RGL1: variants seen among roughly 807,000 people sequenced by gnomAD.
The protein encoded by RGL1 is ral guanine nucleotide dissociation stimulator like 1.
RGL1 carries 24 observed loss-of-function variants against 95.2 expected under a neutral mutation model. The observed-to-expected ratio is 0.25, with a 90% CI of 0.18 to 0.35. The LOEUF is 0.35. Among genes scored for constraint, RGL1 ranks in the 10% least tolerant of loss-of-function variants. The pLI, the probability that RGL1 is intolerant of heterozygous loss-of-function variation, is 1.00. For synonymous variants in RGL1, 329 were observed against 344.9 expected (o/e 0.95, Z 0.51); for missense variants, 715 against 936.3 (o/e 0.76, Z 3.08).
At chr1:183,715,877 A>G (rs1655595375) in intron 1 of RGL1, among the ~76,000 whole-genome samples, 1 of 152,148 alleles carries the variant, frequency 6.6e-6, no homozygotes, top group African/African-American at 2.4e-5. Context: ...GAGACTCAGG[A>G]GAGCTGATGT....
chr1:183,915,305 A>T (rs564852910), intron 15 of RGL1, among the ~76,000 whole-genome samples: 7 of 152,228 alleles, frequency 4.6e-5, no homozygotes, highest in African/African-American at 1.7e-4. Flanking sequence ...TTAACATGGT[A>T]TAATTTAGCT....
upstream of RGL1, among the ~76,000 whole-genome samples, chr1:183,803,272 T>A (rs759149883): frequency 2.6e-5 from 4 of 152,220 alleles, no homozygotes; most frequent in Non-Finnish European, 5.9e-5. Context: ...GGAAGTACAA[T>A]AAGGAGGCAG....
chr1:183,875,118 T>C (rs915740269), intron 4 of RGL1, among the ~76,000 whole-genome samples: 2 of 152,204 alleles, frequency 1.3e-5, no homozygotes, highest in African/African-American at 4.8e-5. Context: ...ATTTTGCTGC[T>C]TTTGAAAAAT....
chr1:183,916,774 CTAAT>C, intron 16 of RGL1, 73 bp downstream of exon 16: 1 of 1,516,360 alleles, frequency 6.6e-7, no homozygotes, highest in Non-Finnish European at 8.9e-7. Flanking sequence ...GCCGCTCAGA[CTAAT>C]AGCCCTAAAT....
chr1:183,853,161 C>T (rs1013083287), intron 3 of RGL1, among the ~76,000 whole-genome samples: 1 of 152,038 alleles, frequency 6.6e-6, no homozygotes, highest in Admixed American at 6.6e-5. Flanking sequence ...CAAGGCAAAA[C>T]CCCATCTCTA....
At chr1:183,908,357 G>T (rs969255509) in intron 14 of RGL1, among the ~76,000 whole-genome samples, 1 of 152,122 alleles carries the variant, frequency 6.6e-6, no homozygotes, top group African/African-American at 2.4e-5. Context: ...CAGCGGCCAC[G>T]CAGGCTGCTA....
At chr1:183,793,703 G>A (rs1425844776) in intron 2 of RGL1, among the ~76,000 whole-genome samples, 1 of 151,772 alleles carries the variant, frequency 6.6e-6, no homozygotes, top group Non-Finnish European at 1.5e-5. Context: ...AATCATCAGG[G>A]AAAGACAAAA....
chr1:183,702,333 A>G (rs1474696429), intron 1 of RGL1, among the ~76,000 whole-genome samples: 1 of 152,194 alleles, frequency 6.6e-6, no homozygotes, highest in African/African-American at 2.4e-5. Context: ...ACTGCAGATT[A>G]CCAGCAAAGT....
rs1292558251 is a variant in RGL1 at position 183,680,276 on chromosome 1, C to CA, written c.-33+43776dup. Among the ~76,000 whole-genome samples the CA allele has an allele frequency of 3.3e-5, 5 of 152,066 alleles. No individual in the cohort carries two copies. In the East Asian group the frequency reaches 9.6e-4, roughly 29 times the overall value. On this transcript the variant is annotated intron_variant, in intron 1 of 18. Transcript: ENST00000304685. ...TTGCCATTGCTTTTGGTGTTTTAGT[C>CA]ATGAAGTCTTTTCCCATGCCTGTGT...
intron 17 of RGL1, among the ~76,000 whole-genome samples, chr1:183,925,600 C>T (rs77291156): frequency 0.015 from 2,320 of 152,158 alleles, 77 homozygotes; most frequent in African/African-American, 0.054. Context: ...ACTCGTTTGA[C>T]GGGATTACTT....
intron 2 of RGL1, among the ~76,000 whole-genome samples, chr1:183,794,278 G>T (rs1180752624): frequency 6.6e-6 from 1 of 152,126 alleles, no homozygotes; most frequent in Non-Finnish European, 1.5e-5. Flanking sequence ...TTACCAGAGA[G>T]GCTGGAAAAG....
intron 1 of RGL1, among the ~76,000 whole-genome samples, chr1:183,701,889 A>T (rs571199779): frequency 2.0e-4 from 31 of 152,336 alleles, no homozygotes; most frequent in African/African-American, 7.5e-4. Flanking sequence ...GTGAGCTGAG[A>T]TTGCACCATT....
chr1:183,759,758 T>A (rs1379826064), intron 2 of RGL1, among the ~76,000 whole-genome samples: 1 of 152,216 alleles, frequency 6.6e-6, no homozygotes, highest in African/African-American at 2.4e-5. Context: ...TAAGACCACC[T>A]GAATATGACA....
At chr1:183,860,069 C>T (rs1665411626) in intron 3 of RGL1, among the ~76,000 whole-genome samples, 2 of 152,146 alleles carry the variant, frequency 1.3e-5, no homozygotes, top group Admixed American at 6.6e-5. Context: ...TCATACCTGA[C>T]CTGTGTTCTT....
chr1:183,814,129 A>G (rs1661915060), intron 2 of RGL1, among the ~76,000 whole-genome samples: 1 of 152,226 alleles, frequency 6.6e-6, no homozygotes, highest in African/African-American at 2.4e-5. Context: ...AGGAAGGACT[A>G]AAAGTAGAAC....
chr1:183,773,209 T>C (rs2102335744), intron 2 of RGL1, among the ~76,000 whole-genome samples: 1 of 152,200 alleles, frequency 6.6e-6, no homozygotes, highest in Middle Eastern at 3.4e-3. Flanking sequence ...CCCTCCCTTC[T>C]TTCCTTCTTT....
chr1:183,884,698 A>G (rs1230692324), intron 6 of RGL1, 25 bp from the exon 7 acceptor site: 4 of 1,601,514 alleles, frequency 2.5e-6, no homozygotes, highest in Non-Finnish European at 3.4e-6. Context: ...TGTTGTCCTT[A>G]AAGTCAGTTC....
chr1:183,813,863 C>T (rs1013443812), intron 2 of RGL1, among the ~76,000 whole-genome samples: 1 of 152,292 alleles, frequency 6.6e-6, no homozygotes, highest in East Asian at 1.9e-4. Flanking sequence ...TTTACTGCTA[C>T]CTCCTCTCAG....
At chr1:183,682,244 CT>C (rs1268225039) in intron 1 of RGL1, among the ~76,000 whole-genome samples, 2 of 152,104 alleles carry the variant, frequency 1.3e-5, no homozygotes, top group Admixed American at 1.3e-4. Flanking sequence ...TTCTCTAGTT[CT>C]TTTAATTGTG....
Sources: allele counts gnomAD v4.1 joint callset (sites outside exome capture counted in the v4.1 genomes callset), GRCh38; gene constraint gnomAD v4.1.1; transcripts MANE v1.5; gene names NCBI Gene and HGNC (gene_info 2026-07-23, HGNC 2026-07-21).